Variants in SLC22A2 observed in about 807,000 individuals in gnomAD.
SLC22A2 encodes the protein solute carrier family 22 member 2.
In SLC22A2, 46 loss-of-function variants were observed where a neutral mutation model predicts 60.5. The ratio of observed to expected loss-of-function variants is 0.76; its 90% CI spans 0.60 to 0.97. The LOEUF is 0.97. SLC22A2 is among the 50% of genes least tolerant of loss of function. SLC22A2 has a pLI of 0.00. For synonymous variants in SLC22A2, 303 were observed against 267.0 expected (o/e 1.13, Z -1.31); for missense variants, 701 against 706.6 (o/e 0.99, Z 0.09).
chr6:160,241,091 T>C (rs1782992913), intron 9 of SLC22A2, among the ~76,000 whole-genome samples: 2 of 152,184 alleles, frequency 1.3e-5, no homozygotes, highest in East Asian at 3.9e-4. Flanking sequence ...ATGGAGGAGT[T>C]AACTCTTTGA....
chr6:160,220,366 T>C (rs315997), intron 10 of SLC22A2, among the ~76,000 whole-genome samples: 128,993 of 152,192 alleles, frequency 0.85, 55,347 homozygotes, highest in Admixed American at 0.91. Context: ...TTCTAGTTCT[T>C]TTGCTATTTC....
intron 10 of SLC22A2, among the ~76,000 whole-genome samples, chr6:160,220,545 G>A (rs1782628947): frequency 6.6e-6 from 1 of 152,142 alleles, no homozygotes; most frequent in African/African-American, 2.4e-5. Context: ...ATTTCCAGAA[G>A]GTTTTTCAAT....
intron 2 of SLC22A2, among the ~76,000 whole-genome samples, chr6:160,251,319 T>C (rs1454259792): frequency 6.6e-6 from 1 of 152,136 alleles, no homozygotes; most frequent in Non-Finnish European, 1.5e-5. Context: ...TGGAAAGTTG[T>C]CCCAGTATAT....
chr6:160,221,141 C>T (rs913049098), intron 10 of SLC22A2, among the ~76,000 whole-genome samples: 2 of 152,226 alleles, frequency 1.3e-5, no homozygotes, highest in Non-Finnish European at 2.9e-5. Flanking sequence ...GTGTGATCAC[C>T]TTTATCAGTG....
rs556424101 is a variant in SLC22A2, at chr6:160,246,118, G to A, written c.958-573C>T. Among the ~76,000 whole-genome samples the A allele has an allele frequency of 2.6e-5, 4 of 151,208 alleles. No homozygotes were observed. The East Asian group carries it at 6.0e-4, about 23-fold the overall frequency. ...CCTGACCTAGTGATCTGCCCGCCTC[G>A]GCTTCCCAAAGTGCTGGGATTACAG... is the stretch of plus-strand genomic sequence containing the variant. On this transcript the variant is annotated intron_variant, in intron 5 of 10. Transcript: ENST00000366953.
rs970654899 is a variant in SLC22A2, at chr6:160,241,590, G to A, written c.1389-4C>T. On this transcript the variant is annotated splice_region_variant and splice_polypyrimidine_tract_variant and intron_variant, in intron 8 of 10. Coordinates refer to ENST00000366953, the MANE Select transcript of SLC22A2 (RefSeq NM_003058.4). ...ACAGATGTGGACGCCAAGATTCCTAGAATGCAGGAAACTGATTTAACTTGT... is the reference window on the plus strand; with the variant it reads ...ACAGATGTGGACGCCAAGATTCCTAAAATGCAGGAAACTGATTTAACTTGT... 4 of 1,591,764 alleles carry A rather than the reference G, an allele frequency of 2.5e-6. No homozygotes were observed. The highest frequency in any genetic ancestry group is 2.7e-5 in the African/African-American group (2 of 74,416).
At chr6:160,230,655 C>T (rs927312337) in intron 9 of SLC22A2, among the ~76,000 whole-genome samples, 32 of 152,108 alleles carry the variant, frequency 2.1e-4, no homozygotes, top group African/African-American at 7.7e-4. Flanking sequence ...CAATTCCTTG[C>T]CTCCACTGTG....
chr6:160,243,875 AG>A, intron 6 of SLC22A2, 89 bp from the exon 7 acceptor site: 1 of 848,462 alleles, frequency 1.2e-6, no homozygotes, highest in East Asian at 2.6e-5. Flanking sequence ...TGTGGATTGT[AG>A]GTCACCTTTC....
chr6:160,223,986 T>C (rs916334285), intron 10 of SLC22A2, among the ~76,000 whole-genome samples: 2 of 152,190 alleles, frequency 1.3e-5, no homozygotes, highest in African/African-American at 4.8e-5. Context: ...CGCCTCAGCA[T>C]CCCAAAGTGC....
intron 9 of SLC22A2, among the ~76,000 whole-genome samples, chr6:160,240,898 G>C (rs1302380336): frequency 6.6e-6 from 1 of 152,226 alleles, no homozygotes; most frequent in African/African-American, 2.4e-5. Context: ...GAAGGGAAGT[G>C]CTATGTGACG....
Position 160,256,630 on chromosome 6 carries a change from C to T in SLC22A2, c.502G>A (p.Gly168Ser), listed in dbSNP as rs370177229. Residue 168 changes from glycine to serine, a missense_variant, in exon 2 of 11, where the codon GGC (glycine) becomes AGC (serine). Gly to Ser is a moderately conservative substitution (Grantham distance 56). Coordinates refer to ENST00000366953, the MANE Select transcript of SLC22A2 (RefSeq NM_003058.4). ...VGFFIGSMSI[G>S]YIADRFGRKL... is the part of the protein sequence containing the mutation. Reference sequence around the variant, plus strand: ...TCAACCTACCTGTCTGCTATGTAGCCGATACTCATAGAGCCAATAAAGAAT... The same window carrying T: ...TCAACCTACCTGTCTGCTATGTAGCTGATACTCATAGAGCCAATAAAGAAT... 121 of 1,611,994 alleles carry T rather than the reference C, an allele frequency of 7.5e-5. No individual in the cohort carries two copies. Among genetic ancestry groups the T allele is most frequent in the Middle Eastern group, 3.3e-4 (2 of 6,078 alleles).
At chr6:160,229,653 C>T (rs1562431902) in intron 9 of SLC22A2, among the ~76,000 whole-genome samples, 1 of 151,780 alleles carries the variant, frequency 6.6e-6, no homozygotes. Flanking sequence ...AAGCACCCCC[C>T]ACTCCTTCTC....
chr6:160,248,049 A>G (rs316020), intron 4 of SLC22A2, among the ~76,000 whole-genome samples: 135,780 of 152,232 alleles, frequency 0.89, 60,687 homozygotes, highest in East Asian at 0.96. Context: ...GAAGTGTAAT[A>G]GAGACAGCAG....
chr6:160,220,729 C>T (rs1181570215), intron 10 of SLC22A2, among the ~76,000 whole-genome samples: 1 of 152,150 alleles, frequency 6.6e-6, no homozygotes, highest in Non-Finnish European at 1.5e-5. Context: ...GGTACATCTC[C>T]ATCAGAGCTC....
intron 3 of SLC22A2, 143 bp from the exon 4 acceptor site, chr6:160,249,527 T>A (rs1247561589): frequency 4.5e-6 from 3 of 670,474 alleles, no homozygotes; most frequent in Non-Finnish European, 7.6e-6. Context: ...TTTTTAAGTG[T>A]TTTTTGGTTT....
At chr6:160,236,850 G>A (rs1782919927) in intron 9 of SLC22A2, among the ~76,000 whole-genome samples, 1 of 152,112 alleles carries the variant, frequency 6.6e-6, no homozygotes, top group Admixed American at 6.5e-5. Context: ...CAAACCCATG[G>A]CTGGGCTTGG....
At chr6:160,220,341 G>A (rs889144520) in intron 10 of SLC22A2, among the ~76,000 whole-genome samples, 3 of 152,106 alleles carry the variant, frequency 2.0e-5, no homozygotes, top group Admixed American at 6.6e-5. Flanking sequence ...TCACATCTTC[G>A]GGCTCTACTT....
At position 160,258,582 on chromosome 6, in the gene SLC22A2, A is replaced by G; in HGVS notation, c.176T>C (p.Leu59Pro). 6.2e-7 allele frequency: 1 copy of G among 1,613,920 alleles called. No individual in the cohort carries two copies. Residue 59 changes from leucine (L) to proline (P), a missense_variant, in exon 1 of 11, where the codon CTG becomes CCG. Transcript: ENST00000366953. ...AGGACTCCAGCCGCAGCGCAGACTC[A>G]GCTCGGCCACTCCGGGGCTCCGGCA... ...HRCRSPGVAE[L>P]SLRCGWSPAE... is the part of the protein sequence containing the mutation.
At chr6:160,252,477 G>T (rs1173306151) in intron 2 of SLC22A2, among the ~76,000 whole-genome samples, 3 of 152,174 alleles carry the variant, frequency 2.0e-5, no homozygotes, top group Non-Finnish European at 4.4e-5. Context: ...GAATAATAAG[G>T]CATGGCTAGA....
Sources: gnomAD v4.1 joint callset for allele counts (sites outside exome capture counted in the v4.1 genomes callset) on GRCh38, gnomAD v4.1.1 for gene constraint, MANE v1.5 for transcripts, NCBI Gene and HGNC (gene_info 2026-07-23, HGNC 2026-07-21) for gene names.